MARCHF1: variants seen among roughly 807,000 people sequenced by gnomAD.
MARCHF1 encodes the protein membrane associated ring-CH-type finger 1.
A neutral mutation model predicts 54.2 loss-of-function variants in MARCHF1; 40 were observed. The ratio of observed to expected loss-of-function variants is 0.74; its 90% CI spans 0.57 to 0.96. The LOEUF (loss-of-function observed/expected upper bound fraction) is 0.96. Among genes scored for constraint, MARCHF1 ranks in the 40% least tolerant of loss-of-function variants. MARCHF1 has a pLI of 0.00. For synonymous variants in MARCHF1, 236 were observed against 236.3 expected (o/e 1.00, Z 0.01); for missense variants, 586 against 656.5 (o/e 0.89, Z 1.17).
chr4:164,036,109 A>AAAAC (rs1753993148), intron 2 of MARCHF1, among the ~76,000 whole-genome samples: 1 of 135,422 alleles, frequency 7.4e-6, no homozygotes, highest in African/African-American at 3.2e-5. Context: ...TCTCAAAAAA[A>AAAAC]AAAAAAACAA....
chr4:163,739,002 T>C (rs867054599), intron 4 of MARCHF1, among the ~76,000 whole-genome samples: 10 of 152,216 alleles, frequency 6.6e-5, no homozygotes, highest in African/African-American at 2.2e-4. Flanking sequence ...GATTTTATTC[T>C]TTTTGTCAAG....
At chr4:164,225,208 G>C (rs1227921901) in intron 1 of MARCHF1, among the ~76,000 whole-genome samples, 1 of 151,988 alleles carries the variant, frequency 6.6e-6, no homozygotes, top group African/African-American at 2.4e-5. Flanking sequence ...TTAACAGAAT[G>C]TATTTTATGA....
intron 1 of MARCHF1, among the ~76,000 whole-genome samples, chr4:164,123,461 A>G (rs1229211327): frequency 1.3e-5 from 2 of 152,166 alleles, no homozygotes; most frequent in Non-Finnish European, 2.9e-5. Flanking sequence ...CCTAAAATTT[A>G]TATGGAACCA....
chr4:164,342,953 AT>A lies in MARCHF1; in HGVS notation c.-323+40916del, dbSNP rs569506019. On this transcript the variant is annotated intron_variant, in intron 1 of 9. Transcript: ENST00000514618. ...ATCTAAAAAAGTCAAATTCACAGAAATAGAGAAGGGTGGTTATCAAGGATTG... is the reference window on the plus strand; with the variant it reads ...ATCTAAAAAAGTCAAATTCACAGAAAAGAGAAGGGTGGTTATCAAGGATTG... 1.3e-3 allele frequency among the ~76,000 whole-genome samples: 199 copies of A among 152,252 alleles called. 1 individual carries two copies. The highest frequency in any genetic ancestry group is 6.8e-3 in the Middle Eastern group (2 of 294).
intron 2 of MARCHF1, among the ~76,000 whole-genome samples, chr4:164,034,108 T>TAGATAGAC (rs1553971759): frequency 1.6e-4 from 22 of 138,942 alleles, no homozygotes; most frequent in Non-Finnish European, 2.7e-4. Flanking sequence ...GATAGATAGA[T>TAGATAGAC]AGATAGATAG....
intron 4 of MARCHF1, among the ~76,000 whole-genome samples, chr4:163,753,083 TAATAA>T (rs1561058589): frequency 6.6e-6 from 1 of 152,076 alleles, no homozygotes; most frequent in Non-Finnish European, 1.5e-5. Flanking sequence ...ACTCGTTATT[TAATAA>T]AATAACAAAA....
intron 3 of MARCHF1, among the ~76,000 whole-genome samples, chr4:163,948,118 G>A (rs1348369021): frequency 6.6e-6 from 1 of 152,040 alleles, no homozygotes; most frequent in Non-Finnish European, 1.5e-5. Flanking sequence ...ACAAATCTAA[G>A]TACAGAACAA....
At chr4:163,852,898 G>A (rs928218277) in intron 4 of MARCHF1, among the ~76,000 whole-genome samples, 1 of 152,130 alleles carries the variant, frequency 6.6e-6, no homozygotes, top group South Asian at 2.1e-4. Flanking sequence ...ATTAGGTCAT[G>A]AGAGTGGGGC....
At chr4:164,060,174 A>C (rs1182232534) in intron 2 of MARCHF1, among the ~76,000 whole-genome samples, 2 of 152,098 alleles carry the variant, frequency 1.3e-5, no homozygotes, top group African/African-American at 4.8e-5. Flanking sequence ...GCTCATTTTT[A>C]TCTAAAATAT....
chr4:164,242,822 G>A (rs1436533294), intron 1 of MARCHF1, among the ~76,000 whole-genome samples: 9 of 151,736 alleles, frequency 5.9e-5, no homozygotes, highest in South Asian at 2.1e-4. Flanking sequence ...CGAGAACTAC[G>A]TGAAGAATGC....
intron 2 of MARCHF1, among the ~76,000 whole-genome samples, chr4:164,008,995 A>T (rs2110937183): frequency 6.6e-6 from 1 of 152,186 alleles, no homozygotes; most frequent in South Asian, 2.1e-4. Context: ...TTGAGACCAA[A>T]AAGTACAAAC....
At chr4:163,587,799 A>G (rs1324686920) in intron 7 of MARCHF1, among the ~76,000 whole-genome samples, 1 of 148,490 alleles carries the variant, frequency 6.7e-6, no homozygotes, top group Non-Finnish European at 1.5e-5. Flanking sequence ...TAAATGTGCA[A>G]TGTAACATTT....
chr4:163,647,904 A>C (rs749764551), intron 5 of MARCHF1, among the ~76,000 whole-genome samples: 12 of 151,696 alleles, frequency 7.9e-5, no homozygotes, highest in Non-Finnish European at 1.3e-4. Flanking sequence ...AATGAAGATC[A>C]GAGAAAAATA....
At chr4:163,746,528 C>G (rs1401474690) in intron 4 of MARCHF1, among the ~76,000 whole-genome samples, 1 of 152,016 alleles carries the variant, frequency 6.6e-6, no homozygotes, top group Non-Finnish European at 1.5e-5. Flanking sequence ...TAAATACCAA[C>G]GAATGGATTT....
At chr4:164,286,987 G>A (rs944754397) in intron 1 of MARCHF1, among the ~76,000 whole-genome samples, 1 of 149,938 alleles carries the variant, frequency 6.7e-6, no homozygotes, top group Non-Finnish European at 1.5e-5. Context: ...GTTGAGGTCT[G>A]AGTATTCCTG....
At chr4:163,990,270 G>A (rs544161546) in intron 2 of MARCHF1, among the ~76,000 whole-genome samples, 32 of 152,206 alleles carry the variant, frequency 2.1e-4, no homozygotes, top group Non-Finnish European at 4.1e-4. Context: ...CAGCTAGGGA[G>A]ATTTTATAAT....
intron 2 of MARCHF1, among the ~76,000 whole-genome samples, chr4:164,063,266 C>T (rs1754659514): frequency 6.6e-6 from 1 of 152,198 alleles, no homozygotes; most frequent in Non-Finnish European, 1.5e-5. Context: ...CTGGCACGGA[C>T]ATCTCTCCAG....
chr4:164,297,103 T>C (rs1734432120), intron 1 of MARCHF1, among the ~76,000 whole-genome samples: 1 of 152,218 alleles, frequency 6.6e-6, no homozygotes, highest in Admixed American at 6.5e-5. Context: ...TGATATATCA[T>C]GTTTAGTACA....
chr4:164,376,441 T>A (rs1165179267), intron 1 of MARCHF1, among the ~76,000 whole-genome samples: 1 of 152,192 alleles, frequency 6.6e-6, no homozygotes, highest in Non-Finnish European at 1.5e-5. Context: ...CCAGGCTCTC[T>A]TCAAAAGCAG....
Sources: allele counts gnomAD v4.1 joint callset (sites outside exome capture counted in the v4.1 genomes callset), GRCh38; gene constraint gnomAD v4.1.1; transcripts MANE v1.5; gene names NCBI Gene and HGNC (gene_info 2026-07-23, HGNC 2026-07-21).